NRG3: variants seen among roughly 807,000 people sequenced by gnomAD.
The protein encoded by NRG3 is pro-neuregulin-3, membrane-bound isoform.
NRG3 carries 31 observed loss-of-function variants against 66.9 expected under a neutral mutation model. The ratio of observed to expected loss-of-function variants is 0.46; its 90% CI spans 0.35 to 0.63. The LOEUF is 0.63. Ranked by LOEUF, NRG3 falls within the 20% of genes least tolerant of loss-of-function variation. The pLI is 0.00. For synonymous variants in NRG3, 393 were observed against 359.4 expected (o/e 1.09, Z -1.06); for missense variants, 910 against 878.9 (o/e 1.04, Z -0.45).
intron 6 of NRG3, among the ~76,000 whole-genome samples, chr10:82,970,770 C>G (rs1206835486): frequency 2.6e-5 from 4 of 151,908 alleles, no homozygotes; most frequent in Non-Finnish European, 4.4e-5. Context: ...GTGTTTTGTC[C>G]TGGTAACAAA....
At chr10:82,566,760 A>G (rs1271145353) in intron 2 of NRG3, among the ~76,000 whole-genome samples, 1 of 151,972 alleles carries the variant, frequency 6.6e-6, no homozygotes. Context: ...TGATAGATTA[A>G]CTTACCAAGT....
At chr10:82,180,015 A>AT in intron 1 of NRG3, among the ~76,000 whole-genome samples, 1 of 151,442 alleles carries the variant, frequency 6.6e-6, no homozygotes, top group East Asian at 2.0e-4. Context: ...AAATGTAATT[A>AT]TTTTTTTAAT....
intron 1 of NRG3, among the ~76,000 whole-genome samples, chr10:82,282,269 T>G (rs148186777): frequency 3.3e-5 from 5 of 150,778 alleles, no homozygotes; most frequent in East Asian, 2.2e-4. Context: ...TTTATTTATT[T>G]ATTTATTTAT....
At chr10:81,898,104 AG>A (rs1843689137) in intron 1 of NRG3, among the ~76,000 whole-genome samples, 1 of 152,190 alleles carries the variant, frequency 6.6e-6, no homozygotes, top group African/African-American at 2.4e-5. Flanking sequence ...GAAGAAAGGA[AG>A]GGATGGCCTG....
intron 1 of NRG3, among the ~76,000 whole-genome samples, chr10:82,265,612 G>A (rs1223921157): frequency 6.6e-6 from 1 of 152,146 alleles, no homozygotes; most frequent in African/African-American, 2.4e-5. Context: ...GTAAAATATA[G>A]GACATGAACA....
intron 1 of NRG3, among the ~76,000 whole-genome samples, chr10:82,059,955 C>T (rs2064053538): frequency 1.3e-5 from 2 of 152,144 alleles, no homozygotes; most frequent in East Asian, 3.9e-4. Flanking sequence ...CAGGCAAAAC[C>T]ACCTCTGCCA....
At chr10:82,390,322 A>T (rs1447704223) in intron 2 of NRG3, among the ~76,000 whole-genome samples, 1 of 151,606 alleles carries the variant, frequency 6.6e-6, no homozygotes, top group African/African-American at 2.4e-5. Flanking sequence ...AGTTAAAGTC[A>T]AGTTTGTTTG....
intron 2 of NRG3, among the ~76,000 whole-genome samples, chr10:82,570,425 G>T (rs935836760): frequency 6.6e-6 from 1 of 151,556 alleles, no homozygotes; most frequent in East Asian, 1.9e-4. Context: ...TGGAGACTTT[G>T]AGTTTCCTGA....
intron 1 of NRG3, among the ~76,000 whole-genome samples, chr10:82,157,867 A>G (rs983382513): frequency 2.6e-5 from 4 of 151,730 alleles, no homozygotes; most frequent in African/African-American, 9.7e-5. Flanking sequence ...AGCTTGTAGT[A>G]TGTTTCAAGT....
At chr10:82,828,413 A>G (rs1361893812) in intron 3 of NRG3, among the ~76,000 whole-genome samples, 1 of 152,118 alleles carries the variant, frequency 6.6e-6, no homozygotes, top group Non-Finnish European at 1.5e-5. Context: ...CATTTTGAGG[A>G]TGAGGAAACA....
At position 82,215,568 on chromosome 10, in the gene NRG3, A is replaced by G. The variant is rs563705625; in HGVS notation, c.824-143171A>G. 2.0e-5 allele frequency among the ~76,000 whole-genome samples: 3 copies of G among 152,244 alleles called. No homozygotes were observed. In the East Asian group the frequency reaches 5.8e-4, roughly 29 times the overall value. On this transcript the variant is annotated intron_variant, in intron 1 of 8. Coordinates refer to ENST00000372141, the MANE Select transcript of NRG3 (RefSeq NM_001010848.4). ...TTCTGCAGAATCATCTTCTGTTACT[A>G]TTTTTCAAGACAATACTATGACAAG...
At chr10:82,680,671 G>T (rs184961130) in intron 2 of NRG3, among the ~76,000 whole-genome samples, 1 of 152,268 alleles carries the variant, frequency 6.6e-6, no homozygotes, top group Non-Finnish European at 1.5e-5. Context: ...AGCCGACAGG[G>T]TTGACGTTTG....
chr10:81,993,720 A>G (rs1027801259), intron 1 of NRG3, among the ~76,000 whole-genome samples: 6 of 152,210 alleles, frequency 3.9e-5, no homozygotes, highest in Non-Finnish European at 5.9e-5. Flanking sequence ...TACTTTCATT[A>G]AAAGAGAACC....
chr10:82,377,743 T>G (rs1278981913), intron 2 of NRG3, among the ~76,000 whole-genome samples: 2 of 152,160 alleles, frequency 1.3e-5, no homozygotes, highest in Non-Finnish European at 1.5e-5. Context: ...TATTGTCACA[T>G]GGTGAAAGTG....
At chr10:82,339,820 C>G (rs977357482) in intron 1 of NRG3, among the ~76,000 whole-genome samples, 2 of 151,828 alleles carry the variant, frequency 1.3e-5, no homozygotes, top group Non-Finnish European at 1.5e-5. Flanking sequence ...TCTCATCTGC[C>G]ATGTCTAGGA....
chr10:82,334,506 A>G (rs1224616812), intron 1 of NRG3, among the ~76,000 whole-genome samples: 1 of 152,182 alleles, frequency 6.6e-6, no homozygotes, highest in Non-Finnish European at 1.5e-5. Flanking sequence ...GCCAAGCAAG[A>G]ATTAGGTGAG....
intron 1 of NRG3, among the ~76,000 whole-genome samples, chr10:81,966,561 T>C (rs976782134): frequency 6.6e-6 from 1 of 152,126 alleles, no homozygotes; most frequent in Non-Finnish European, 1.5e-5. Flanking sequence ...TCCTACCACC[T>C]TGGACTCCAA....
intron 4 of NRG3, among the ~76,000 whole-genome samples, chr10:82,895,514 C>G (rs1843571434): frequency 7.9e-6 from 1 of 127,172 alleles, no homozygotes; most frequent in Non-Finnish European, 1.6e-5. Context: ...GAGACAGAGT[C>G]TCGTCTCGCT....
At chr10:81,919,834 C>G (rs1237248309) in intron 1 of NRG3, among the ~76,000 whole-genome samples, 2 of 152,044 alleles carry the variant, frequency 1.3e-5, no homozygotes, top group Non-Finnish European at 2.9e-5. Flanking sequence ...CAGAGCTGAG[C>G]AGAAACAGTG....
Sources: allele counts gnomAD v4.1 joint callset (sites outside exome capture counted in the v4.1 genomes callset), GRCh38; gene constraint gnomAD v4.1.1; transcripts MANE v1.5; gene names NCBI Gene and HGNC (gene_info 2026-07-23, HGNC 2026-07-21).